Variants in ANKS1B observed in about 807,000 individuals in gnomAD.
ANKS1B encodes ankyrin repeat and sterile alpha motif domain-containing protein 1B.
A neutral mutation model predicts 148.3 loss-of-function variants in ANKS1B; 36 were observed. The observed-to-expected ratio is 0.24, with a 90% CI of 0.19 to 0.32. ANKS1B has a LOEUF of 0.32. ANKS1B is among the 10% of genes least tolerant of loss of function. ANKS1B has a pLI of 1.00. For missense variants in ANKS1B, 1,157 were observed against 1,542.6 expected (o/e 0.75, Z 4.19); for synonymous variants, 542 against 560.8 (o/e 0.97, Z 0.47).
chr12:99,125,555 A>T (rs760666721), intron 15 of ANKS1B, among the ~76,000 whole-genome samples: 2 of 152,176 alleles, frequency 1.3e-5, no homozygotes, highest in African/African-American at 2.4e-5. Context: ...ACTACTGATG[A>T]GACTGATTTA....
At chr12:99,187,073 G>A (rs1435406422) in intron 14 of ANKS1B, among the ~76,000 whole-genome samples, 2 of 151,724 alleles carry the variant, frequency 1.3e-5, no homozygotes, top group Non-Finnish European at 2.9e-5. Context: ...TGATCAAGCA[G>A]AAGAAAGGAT....
chr12:98,816,302 ATTTG>A (rs1355267311), intron 19 of ANKS1B, among the ~76,000 whole-genome samples: 2 of 152,088 alleles, frequency 1.3e-5, no homozygotes, highest in African/African-American at 4.8e-5. Context: ...TTATTTATTT[ATTTG>A]TTTGTTTTTG....
At chr12:99,262,721 T>C (rs2076054003) in intron 12 of ANKS1B, among the ~76,000 whole-genome samples, 2 of 151,736 alleles carry the variant, frequency 1.3e-5, no homozygotes, top group Admixed American at 1.3e-4. Flanking sequence ...GTTTATTTTA[T>C]TTGTCTAAAA....
At chr12:99,614,339 A>T (rs1446926474) in intron 9 of ANKS1B, among the ~76,000 whole-genome samples, 1 of 151,768 alleles carries the variant, frequency 6.6e-6, no homozygotes, top group East Asian at 1.9e-4. Context: ...GGAGACTGAG[A>T]CATGAGAATC....
At chr12:99,489,700 G>A (rs1191963366) in intron 10 of ANKS1B, among the ~76,000 whole-genome samples, 1 of 152,144 alleles carries the variant, frequency 6.6e-6, no homozygotes, top group Non-Finnish European at 1.5e-5. Context: ...GTGACTAAAG[G>A]TCAGTTAGTT....
chr12:99,734,483 G>A (rs1052371325), intron 8 of ANKS1B, among the ~76,000 whole-genome samples: 2 of 151,950 alleles, frequency 1.3e-5, no homozygotes, highest in Non-Finnish European at 2.9e-5. Context: ...TAGTAGAAAT[G>A]GGGTTTCATC....
At chr12:99,221,061 C>T (rs1482701590) in intron 14 of ANKS1B, among the ~76,000 whole-genome samples, 4 of 151,804 alleles carry the variant, frequency 2.6e-5, no homozygotes, top group East Asian at 1.9e-4. Context: ...GCATGGTGGC[C>T]GGGTGCGGTG....
chr12:99,449,677 A>T (rs539416328), intron 10 of ANKS1B, among the ~76,000 whole-genome samples: 1 of 152,298 alleles, frequency 6.6e-6, no homozygotes, highest in East Asian at 1.9e-4. Flanking sequence ...TAAAATATGG[A>T]AGATCAAAGA....
intron 8 of ANKS1B, among the ~76,000 whole-genome samples, chr12:99,731,253 G>A (rs1343370345): frequency 2.6e-5 from 4 of 152,172 alleles, no homozygotes; most frequent in Non-Finnish European, 5.9e-5. Context: ...CAAGTAGCTG[G>A]GATTAGAAGC....
At chr12:99,721,287 A>C (rs1400656848) in intron 8 of ANKS1B, among the ~76,000 whole-genome samples, 1 of 151,894 alleles carries the variant, frequency 6.6e-6, no homozygotes, top group Non-Finnish European at 1.5e-5. Flanking sequence ...ACACTTTATC[A>C]CTATTTCATT....
chr12:99,433,964 G>A (rs548315170), intron 11 of ANKS1B, among the ~76,000 whole-genome samples: 6 of 152,128 alleles, frequency 3.9e-5, no homozygotes, highest in South Asian at 2.1e-4. Flanking sequence ...TCAAATCACC[G>A]CTTAAGATGC....
chr12:98,973,188 C>T (rs2099884945), intron 17 of ANKS1B, among the ~76,000 whole-genome samples: 1 of 147,550 alleles, frequency 6.8e-6, no homozygotes, highest in Admixed American at 6.7e-5. Flanking sequence ...GGTATTATTA[C>T]ATTCAGTTTA....
intron 1 of ANKS1B, among the ~76,000 whole-genome samples, chr12:99,912,873 C>T (rs11610472): frequency 0.12 from 18,127 of 152,020 alleles, 1,436 homozygotes; most frequent in Middle Eastern, 0.18. Flanking sequence ...ATATACTGAG[C>T]TTATTAGTTT....
chr12:99,945,259 T>C (rs2095031591), intron 1 of ANKS1B, among the ~76,000 whole-genome samples: 1 of 148,766 alleles, frequency 6.7e-6, no homozygotes, highest in Admixed American at 6.8e-5. Flanking sequence ...AAGAAAGTGA[T>C]AAAATAGAGT....
intron 9 of ANKS1B, among the ~76,000 whole-genome samples, chr12:99,614,423 A>G (rs1227362041): frequency 7.4e-6 from 1 of 134,806 alleles, no homozygotes; most frequent in African/African-American, 2.8e-5. Flanking sequence ...TGACAGAGTG[A>G]GACTCTGTGT....
intron 14 of ANKS1B, chr12:99,155,232 G>C (rs777830404): frequency 1.1e-6 from 1 of 919,652 alleles, no homozygotes; most frequent in Non-Finnish European, 1.5e-6. Flanking sequence ...TTTTTAAATG[G>C]AGCACAGATA....
chr12:99,346,988 C>T (rs1048991162), intron 12 of ANKS1B, among the ~76,000 whole-genome samples: 1 of 151,878 alleles, frequency 6.6e-6, no homozygotes, highest in African/African-American at 2.4e-5. Flanking sequence ...TAATGGTGGT[C>T]CTGAAGAAAG....
At chr12:99,916,811 T>A (rs1049132718) in intron 1 of ANKS1B, among the ~76,000 whole-genome samples, 2 of 152,246 alleles carry the variant, frequency 1.3e-5, no homozygotes, top group African/African-American at 4.8e-5. Flanking sequence ...GATGAACTAC[T>A]GCAATGTTAC....
chr12:98,826,880 T>C (rs1453247926), intron 19 of ANKS1B, among the ~76,000 whole-genome samples: 1 of 152,022 alleles, frequency 6.6e-6, no homozygotes, highest in Non-Finnish European at 1.5e-5. Context: ...ACACATAACT[T>C]CAGGGGAAAA....
Sources: gnomAD v4.1 joint callset for allele counts (sites outside exome capture counted in the v4.1 genomes callset) on GRCh38, gnomAD v4.1.1 for gene constraint, MANE v1.5 for transcripts, NCBI Gene and HGNC (gene_info 2026-07-23, HGNC 2026-07-21) for gene names.